Variants in SPATA16 observed in about 807,000 individuals in gnomAD.
SPATA16 encodes the protein spermatogenesis associated 16.
In SPATA16, 36 loss-of-function variants were observed where a neutral mutation model predicts 63.3. The ratio of observed to expected loss-of-function variants is 0.57; its 90% CI spans 0.44 to 0.75. The LOEUF is 0.75. Ranked by LOEUF, SPATA16 falls within the 30% of genes least tolerant of loss-of-function variation. SPATA16 has a pLI of 0.00. For synonymous variants in SPATA16, 203 were observed against 216.7 expected, an observed-to-expected ratio of 0.94 and a Z score of 0.56; for missense variants, 646 against 679.3, an observed-to-expected ratio of 0.95 and a Z score of 0.54.
At chr3:172,893,944 AT>A (rs906387641) in intron 10 of SPATA16, among the ~76,000 whole-genome samples, 14 of 151,118 alleles carry the variant, frequency 9.3e-5, no homozygotes, top group Middle Eastern at 6.8e-3. Flanking sequence ...GGCTCAAATA[AT>A]TTTTTTTTTA....
chr3:173,005,625 C>T (rs1301902661), intron 4 of SPATA16, among the ~76,000 whole-genome samples: 1 of 152,102 alleles, frequency 6.6e-6, no homozygotes, highest in Non-Finnish European at 1.5e-5. Context: ...AATGCAAATT[C>T]ATAGCATATC....
At chr3:172,925,208 T>G in intron 7 of SPATA16, 138 bp downstream of exon 7, 1 of 960,236 alleles carries the variant, frequency 1.0e-6, no homozygotes, top group Non-Finnish European at 1.6e-6. Context: ...AAAGATTTCC[T>G]GGAACCAGAA....
chr3:172,897,657 T>C (rs1319043535), intron 10 of SPATA16, among the ~76,000 whole-genome samples: 1 of 152,006 alleles, frequency 6.6e-6, no homozygotes, highest in Non-Finnish European at 1.5e-5. Context: ...GCTGAACTCA[T>C]TTTTTTGGGG....
chr3:173,127,211 C>T (rs984674656), intron 1 of SPATA16, among the ~76,000 whole-genome samples: 2 of 152,124 alleles, frequency 1.3e-5, no homozygotes, highest in South Asian at 4.1e-4. Flanking sequence ...TGTAGGCACA[C>T]ACATAAAAAC....
At chr3:173,126,312 A>G (rs1738226311) in intron 1 of SPATA16, among the ~76,000 whole-genome samples, 1 of 152,216 alleles carries the variant, frequency 6.6e-6, no homozygotes, top group African/African-American at 2.4e-5. Flanking sequence ...CACAATTTGT[A>G]AAAACAATTA....
At chr3:173,068,816 T>TAAA (rs35439377) in intron 2 of SPATA16, among the ~76,000 whole-genome samples, 44,467 of 142,390 alleles carry the variant, frequency 0.31, 6,797 homozygotes, top group South Asian at 0.42. Context: ...CCCAAATTAG[T>TAAA]AAAAAAAAAA....
intron 5 of SPATA16, among the ~76,000 whole-genome samples, chr3:172,976,565 C>T (rs1002879468): frequency 6.6e-6 from 1 of 152,086 alleles, no homozygotes; most frequent in Non-Finnish European, 1.5e-5. Context: ...TAAACAAATA[C>T]ATCTGATCTT....
intron 2 of SPATA16, among the ~76,000 whole-genome samples, chr3:173,049,877 A>C (rs545271167): frequency 7.2e-5 from 11 of 152,234 alleles, no homozygotes; most frequent in African/African-American, 2.2e-4. Flanking sequence ...TTCCCCTCAG[A>C]GTATTCTACT....
At chr3:173,063,439 A>T (rs1736438221) in intron 2 of SPATA16, among the ~76,000 whole-genome samples, 1 of 152,166 alleles carries the variant, frequency 6.6e-6, no homozygotes, top group Non-Finnish European at 1.5e-5. Flanking sequence ...GAAAAGGGGC[A>T]CGGTTCTTAT....
chr3:172,942,220 A>G (rs1353785660), intron 6 of SPATA16, among the ~76,000 whole-genome samples: 1 of 152,146 alleles, frequency 6.6e-6, no homozygotes, highest in Non-Finnish European at 1.5e-5. Flanking sequence ...AACTCAATCA[A>G]TCAACTCAGG....
chr3:173,121,226 T>A (rs1738060904), intron 1 of SPATA16, among the ~76,000 whole-genome samples: 2 of 151,914 alleles, frequency 1.3e-5, no homozygotes, highest in South Asian at 4.2e-4. Context: ...TTAATAAAAA[T>A]TGTCACACAT....
intron 6 of SPATA16, among the ~76,000 whole-genome samples, chr3:172,943,965 T>G (rs1733221979): frequency 6.6e-6 from 1 of 152,154 alleles, no homozygotes; most frequent in Admixed American, 6.5e-5. Flanking sequence ...TTTGAAAATT[T>G]TTAAGAATTC....
chr3:172,910,595 C>A (rs941943579), intron 10 of SPATA16, among the ~76,000 whole-genome samples: 6 of 151,636 alleles, frequency 4.0e-5, no homozygotes, highest in Non-Finnish European at 8.8e-5. Context: ...GACCCTTGTT[C>A]TAAACAACTA....
At chr3:172,970,705 C>G (rs1471491233) in intron 5 of SPATA16, among the ~76,000 whole-genome samples, 1 of 152,116 alleles carries the variant, frequency 6.6e-6, no homozygotes, top group South Asian at 2.1e-4. Context: ...ATATAGGCCA[C>G]TAAGAGAAAT....
rs57114377 is a variant in SPATA16 at position 173,093,040 on chromosome 3, AACACACACACACACACAC to A, written c.612+24062_612+24079del. On this transcript the variant is annotated intron_variant, in intron 2 of 10. Coordinates refer to ENST00000351008, the MANE Select transcript of SPATA16 (RefSeq NM_031955.6). The stretch of plus-strand genomic sequence containing the variant: ...TTTATTGTAATTTTTATGCACCTAA[AACACACACACACACACAC>A]ACACACACACACACACACATATATA... 2.8e-5 allele frequency among the ~76,000 whole-genome samples: 4 copies of A among 142,550 alleles called. No individual in the cohort carries two copies. In the East Asian group the frequency reaches 6.2e-4, roughly 22 times the overall value. The allele number at this position is 142,550 out of a possible 152,430, so 93.5% of individuals were successfully genotyped here.
At chr3:173,020,767 C>T (rs560637200) in intron 3 of SPATA16, among the ~76,000 whole-genome samples, 86 of 152,266 alleles carry the variant, frequency 5.6e-4, no homozygotes, top group Non-Finnish European at 9.8e-4. Flanking sequence ...AGTGAAAGTT[C>T]GAAATGTAGC....
chr3:173,023,745 C>CT (rs938903203), intron 3 of SPATA16, among the ~76,000 whole-genome samples: 5 of 151,296 alleles, frequency 3.3e-5, no homozygotes, highest in African/African-American at 1.2e-4. Context: ...AATATTTTAA[C>CT]TTTTTTAAAA....
At chr3:173,036,978 G>A (rs1735727261) in intron 3 of SPATA16, among the ~76,000 whole-genome samples, 1 of 151,948 alleles carries the variant, frequency 6.6e-6, no homozygotes, top group South Asian at 2.1e-4. Context: ...ATTTATAGAT[G>A]AGACTCACAT....
At chr3:172,897,582 T>C (rs1732032411) in intron 10 of SPATA16, among the ~76,000 whole-genome samples, 1 of 152,180 alleles carries the variant, frequency 6.6e-6, no homozygotes. Flanking sequence ...TTAGTGTCCC[T>C]GATCATTGCT....
Sources: allele counts gnomAD v4.1 joint callset (sites outside exome capture counted in the v4.1 genomes callset), GRCh38; gene constraint gnomAD v4.1.1; transcripts MANE v1.5; gene names NCBI Gene and HGNC (gene_info 2026-07-23, HGNC 2026-07-21).